TRIM44: variants seen among roughly 807,000 people sequenced by gnomAD.
TRIM44 encodes tripartite motif containing 44, also known as tripartite motif-containing protein 44.
A neutral mutation model predicts 37.4 loss-of-function variants in TRIM44; 13 were observed. The observed-to-expected ratio is 0.35, with a 90% CI of 0.23 to 0.55. TRIM44 has a LOEUF of 0.55. Ranked by LOEUF, TRIM44 falls within the 20% of genes least tolerant of loss-of-function variation. The probability of loss-of-function intolerance (pLI) is 0.89; values close to 1 mark genes in which losing one functional copy is unlikely to be tolerated. For missense variants in TRIM44, 426 were observed against 437.2 expected (o/e 0.97, Z 0.23); for synonymous variants, 175 against 157.2 (o/e 1.11, Z -0.85).
chr11:35,740,116 A>T (rs1440860336), intron 4 of TRIM44, among the ~76,000 whole-genome samples: 1 of 149,974 alleles, frequency 6.7e-6, no homozygotes, highest in Non-Finnish European at 1.5e-5. Flanking sequence ...AAAAAAAAAA[A>T]AAAGGTACCT....
intron 2 of TRIM44, among the ~76,000 whole-genome samples, chr11:35,702,230 G>C (rs1851797470): frequency 6.6e-6 from 1 of 152,168 alleles, no homozygotes; most frequent in Non-Finnish European, 1.5e-5. Flanking sequence ...TTTTAACCAA[G>C]AAGGACTTTA....
chr11:35,758,860 AAGACATC>A (rs1210488705), intron 4 of TRIM44, among the ~76,000 whole-genome samples: 1 of 152,210 alleles, frequency 6.6e-6, no homozygotes, highest in Non-Finnish European at 1.5e-5. Context: ...AGTTTCTGCC[AAGACATC>A]AGCCGTTAGT....
chr11:35,705,159 CAAAG>C (rs1269573692), intron 2 of TRIM44, among the ~76,000 whole-genome samples: 3 of 149,332 alleles, frequency 2.0e-5, no homozygotes, highest in Non-Finnish European at 3.0e-5. Flanking sequence ...TCAAAAGAGA[CAAAG>C]AAGGCCATTA....
intron 4 of TRIM44, among the ~76,000 whole-genome samples, chr11:35,748,214 G>T (rs552311120): frequency 1.2e-4 from 19 of 152,288 alleles, no homozygotes; most frequent in African/African-American, 4.3e-4. Flanking sequence ...AACTCTGCAG[G>T]AGGGATTCAT....
chr11:35,754,559 A>G (rs1852603896), intron 4 of TRIM44, among the ~76,000 whole-genome samples: 1 of 151,964 alleles, frequency 6.6e-6, no homozygotes, highest in Non-Finnish European at 1.5e-5. Context: ...CAACATGCAG[A>G]TTAGTTACAT....
At chr11:35,683,355 T>C (rs903552374) in intron 1 of TRIM44, among the ~76,000 whole-genome samples, 3 of 151,634 alleles carry the variant, frequency 2.0e-5, no homozygotes, top group South Asian at 2.1e-4. Context: ...AAAGTAGATA[T>C]TGGTTGTAGT....
At chr11:35,751,092 C>T (rs1852554056) in intron 4 of TRIM44, among the ~76,000 whole-genome samples, 1 of 152,088 alleles carries the variant, frequency 6.6e-6, no homozygotes, top group Admixed American at 6.5e-5. Context: ...AGCACATTGC[C>T]TAGCACAGAG....
intron 2 of TRIM44, 106 bp from the exon 3 acceptor site, chr11:35,725,818 A>T: frequency 1.6e-6 from 2 of 1,215,626 alleles, no homozygotes; most frequent in South Asian, 1.5e-5. Context: ...TTAGGATTGG[A>T]TAGGATCCAT....
At chr11:35,749,045 A>T (rs1226859862) in intron 4 of TRIM44, among the ~76,000 whole-genome samples, 1 of 150,138 alleles carries the variant, frequency 6.7e-6, no homozygotes, top group Non-Finnish European at 1.5e-5. Context: ...TGTATGTTAG[A>T]GAGAGAGAGA....
chr11:35,749,427 G>A (rs923179756), intron 4 of TRIM44, among the ~76,000 whole-genome samples: 2 of 152,174 alleles, frequency 1.3e-5, no homozygotes, highest in African/African-American at 2.4e-5. Flanking sequence ...GCTCACTCCT[G>A]TAATCCCAGC....
chr11:35,740,662 A>G (rs1590558526), intron 4 of TRIM44, among the ~76,000 whole-genome samples: 1 of 152,160 alleles, frequency 6.6e-6, no homozygotes, highest in African/African-American at 2.4e-5. Context: ...CCTAGCTTCT[A>G]TTTTTGATTC....
intron 2 of TRIM44, among the ~76,000 whole-genome samples, chr11:35,719,312 TG>T (rs1354545733): frequency 1.3e-5 from 2 of 152,204 alleles, no homozygotes; most frequent in African/African-American, 4.8e-5. Context: ...TGTTTTAATT[TG>T]TAATTTCCTA....
chr11:35,747,565 A>G (rs1852506570), intron 4 of TRIM44, among the ~76,000 whole-genome samples: 1 of 152,198 alleles, frequency 6.6e-6, no homozygotes, highest in Non-Finnish European at 1.5e-5. Flanking sequence ...TGGAATTATG[A>G]CAAGCCAACA....
intron 4 of TRIM44, among the ~76,000 whole-genome samples, chr11:35,755,320 TTC>T: frequency 6.6e-6 from 1 of 152,076 alleles, no homozygotes; most frequent in East Asian, 1.9e-4. Flanking sequence ...GAAGTGTCTG[TTC>T]ATATCTTTTG....
intron 4 of TRIM44, among the ~76,000 whole-genome samples, chr11:35,750,027 G>A (rs932318619): frequency 2.3e-4 from 35 of 152,210 alleles, no homozygotes; most frequent in South Asian, 8.3e-4. Context: ...ATTAAGTACC[G>A]TCTTAAAGTC....
intron 3 of TRIM44, among the ~76,000 whole-genome samples, chr11:35,731,114 A>AGC (rs1852253308): frequency 6.6e-6 from 1 of 152,148 alleles, no homozygotes; most frequent in Admixed American, 6.5e-5. Flanking sequence ...CAGTGGCTAC[A>AGC]ACCTCCAGTG....
intron 4 of TRIM44, among the ~76,000 whole-genome samples, chr11:35,772,138 G>A (rs1340105480): frequency 6.6e-6 from 1 of 152,228 alleles, no homozygotes; most frequent in African/African-American, 2.4e-5. Flanking sequence ...CTGCCACATG[G>A]TGTTGAGCCT....
At chr11:35,736,736 A>G (rs932888420) in intron 4 of TRIM44, among the ~76,000 whole-genome samples, 3 of 152,222 alleles carry the variant, frequency 2.0e-5, no homozygotes, top group Non-Finnish European at 4.4e-5. Context: ...TTTAAAAGGC[A>G]TAGGCATCTT....
intron 1 of TRIM44, among the ~76,000 whole-genome samples, chr11:35,672,237 A>G (rs1851401629): frequency 6.6e-6 from 1 of 152,286 alleles, no homozygotes; most frequent in Admixed American, 6.5e-5. Context: ...ACAGCCACCC[A>G]CTACACATAC....
Sources: allele counts gnomAD v4.1 joint callset (sites outside exome capture counted in the v4.1 genomes callset), GRCh38; gene constraint gnomAD v4.1.1; transcripts MANE v1.5; gene names NCBI Gene and HGNC (gene_info 2026-07-23, HGNC 2026-07-21).